Variants in NBEAL1 observed in about 807,000 individuals in gnomAD.
NBEAL1 encodes the protein neurobeachin like 1.
A neutral mutation model predicts 351.3 loss-of-function variants in NBEAL1; 273 were observed. That is an observed-to-expected ratio of 0.78 (90% CI 0.70 to 0.86). The LOEUF (loss-of-function observed/expected upper bound fraction) is 0.86. NBEAL1 is among the 40% of genes least tolerant of loss of function. The probability of loss-of-function intolerance (pLI) is 0.00; values close to 1 mark genes in which losing one functional copy is unlikely to be tolerated. For missense variants in NBEAL1, 2,961 were observed against 3,201.3 expected (o/e 0.92, Z 1.81); for synonymous variants, 1,050 against 1,086.4 (o/e 0.97, Z 0.66).
chr2:203,174,496 T>C (rs928966945), intron 41 of NBEAL1, among the ~76,000 whole-genome samples: 3 of 152,180 alleles, frequency 2.0e-5, no homozygotes, highest in Admixed American at 2.0e-4. Flanking sequence ...TTTGTGTTAA[T>C]TATCTCTGGG....
Position 203,132,173 on chromosome 2 carries a change from T to G in NBEAL1, c.3724+41T>G, listed in dbSNP as rs1008059021. The G allele has an allele frequency of 2.3e-6, 3 of 1,301,194 alleles. No individual in the cohort carries two copies. The East Asian group carries it at 8.0e-5, about 35-fold the overall frequency. The allele number at this position is 1,301,194 out of a possible 1,614,324, so 80.6% of individuals were successfully genotyped here. On this transcript the variant is annotated intron_variant, in intron 26 of 55. Transcript: ENST00000683969. ...ATAAAGCTAACATATTTAAGAAATGTTTTTTCCTGTAAGTTTTTTTCATAC... is the reference window on the plus strand; with the variant it reads ...ATAAAGCTAACATATTTAAGAAATGGTTTTTCCTGTAAGTTTTTTTCATAC...
At position 203,186,025 on chromosome 2, in the gene NBEAL1, C is replaced by G. The variant is rs6733105; in HGVS notation, c.6706-2447C>G. ...ACTTCCTCTCAAGACACCCTTCCCC[C>G]ACAACTCTTATCTCATTAGGGAAGG... On this transcript the variant is annotated intron_variant, in intron 44 of 55. Coordinates refer to ENST00000683969, the MANE Select transcript of NBEAL1 (RefSeq NM_001378026.1). 5.1e-3 allele frequency among the ~76,000 whole-genome samples: 770 copies of G among 152,284 alleles called. 10 individuals are homozygous for G. Among genetic ancestry groups the G allele is most frequent in the African/African-American group, 0.018 (731 of 41,536 alleles).
chr2:203,130,570 T>TATAG, intron 25 of NBEAL1, 94 bp downstream of exon 25: 4 of 776,550 alleles, frequency 5.2e-6, no homozygotes, highest in Non-Finnish European at 7.2e-6. Context: ...ATAAATTATT[T>TATAG]TTATATCTAT....
At chr2:203,114,065 G>T (rs192688755) in intron 17 of NBEAL1, among the ~76,000 whole-genome samples, 38 of 152,058 alleles carry the variant, frequency 2.5e-4, no homozygotes, top group African/African-American at 8.9e-4. Flanking sequence ...CTTGTGATCC[G>T]CCCACCTCAG....
In NBEAL1 at chr2:203,145,179, A is replaced by C; in HGVS notation, c.5304+19A>C. 1.3e-6 allele frequency: 2 copies of C among 1,592,980 alleles called. No individual in the cohort carries two copies. Among genetic ancestry groups the C allele is most frequent in the East Asian group, 2.3e-5 (1 of 44,330 alleles). On this transcript the variant is annotated intron_variant, in intron 33 of 55. Coordinates refer to ENST00000683969, the MANE Select transcript of NBEAL1 (RefSeq NM_001378026.1). ...ATTTCAGGTAAAAAGTAAATGTTTT[A>C]ATATCTAGTTTTTCTTGTTGATTTT...
chr2:203,190,566 A>T, intron 46 of NBEAL1, 177 bp downstream of exon 46: 1 of 675,804 alleles, frequency 1.5e-6, no homozygotes, highest in Non-Finnish European at 2.5e-6. Context: ...AGTACCTATT[A>T]GGGTATGCCA....
chr2:203,099,579 A>G, intron 11 of NBEAL1, 50 bp from the exon 12 acceptor site: 2 of 1,254,934 alleles, frequency 1.6e-6, no homozygotes, highest in Non-Finnish European at 2.2e-6. Context: ...AACTCAATAA[A>G]AATCGTGAGC....
chr2:203,214,550 G>A (rs116704800), intron 55 of NBEAL1, among the ~76,000 whole-genome samples: 8 of 152,226 alleles, frequency 5.3e-5, no homozygotes, highest in Admixed American at 1.3e-4. Flanking sequence ...CGAGACGAGC[G>A]GATCACTTGA....
chr2:203,078,128 C>G (rs748639986), intron 8 of NBEAL1, among the ~76,000 whole-genome samples: 2 of 152,140 alleles, frequency 1.3e-5, no homozygotes, highest in Non-Finnish European at 2.9e-5. Context: ...TAGAGGAAGT[C>G]AACCTCATCA....
chr2:203,216,212 A>G (rs909045506), intron 55 of NBEAL1, among the ~76,000 whole-genome samples: 1 of 152,184 alleles, frequency 6.6e-6, no homozygotes, highest in East Asian at 1.9e-4. Context: ...TGCAAATTTA[A>G]TGGTGAACAA....
rs1329251127 is a variant in NBEAL1 at position 203,224,681 on chromosome 2, A to G, written c.*7327A>G. Among the ~76,000 whole-genome samples, 2 of 152,154 alleles carry G rather than the reference A, an allele frequency of 1.3e-5. No homozygotes were observed. The highest frequency in any genetic ancestry group is 4.8e-5 in the African/African-American group (2 of 41,446). On this transcript the variant is annotated 3_prime_UTR_variant, in exon 56 of 56. Transcript: ENST00000683969. ...ATTGAAGGAATTCAGAAAGTTGTGT[A>G]TTTATCTTAAAATGTTCCTTCTCAC...
At chr2:203,053,415 T>G (rs192474932) in intron 4 of NBEAL1, among the ~76,000 whole-genome samples, 12 of 152,318 alleles carry the variant, frequency 7.9e-5, no homozygotes, top group African/African-American at 2.6e-4. Context: ...TTTTAAAAAT[T>G]GAATTGTTTT....
At chr2:203,107,309 T>A in intron 12 of NBEAL1, 111 bp from the exon 13 acceptor site, 1 of 519,556 alleles carries the variant, frequency 1.9e-6, no homozygotes, top group Non-Finnish European at 3.3e-6. Context: ...TCTTTTTCTT[T>A]ATTTAATATT....
intron 2 of NBEAL1, chr2:203,040,369 G>C: frequency 1.4e-6 from 1 of 711,834 alleles, no homozygotes; most frequent in Non-Finnish European, 2.5e-6. Flanking sequence ...ACATGCCATG[G>C]CCTTTGTTGT....
chr2:203,216,197 G>C (rs1357147404), intron 55 of NBEAL1, among the ~76,000 whole-genome samples: 1 of 152,140 alleles, frequency 6.6e-6, no homozygotes, highest in Non-Finnish European at 1.5e-5. Context: ...AAGGATGGTA[G>C]GTGATGCAAA....
Position 203,144,754 on chromosome 2 carries a change from T to A in NBEAL1, c.5003T>A (p.Leu1668His). The change falls in exon 32 of 56, where the codon CTT becomes CAT. Residue 1668 changes from leucine (L) to histidine (H), a missense_variant. Transcript: ENST00000683969. ...GAAATCTACTCATTTCTGATTCCCC[T>A]TGTTCGTACCCTGGTTTCCAAAATT... Reference protein sequence around the residue: ...QTEIYSFLIPLVRTLVSKIYE... With the variant: ...QTEIYSFLIPHVRTLVSKIYE... 6.2e-7 allele frequency: 1 copy of A among 1,614,166 alleles called. No homozygotes were observed. The highest frequency in any genetic ancestry group is 1.7e-5 in the Admixed American group (1 of 60,018).
At chr2:203,182,517 T>G (rs2064749551) in intron 43 of NBEAL1, 1 of 152,258 alleles carries the variant, frequency 6.6e-6, no homozygotes, top group Non-Finnish European at 1.5e-5. Flanking sequence ...ATAAAGGTTC[T>G]GCTAGCAAAT....
intron 12 of NBEAL1, among the ~76,000 whole-genome samples, chr2:203,102,924 A>G (rs752903033): frequency 4.6e-4 from 70 of 152,126 alleles, no homozygotes; most frequent in Non-Finnish European, 1.9e-4. Flanking sequence ...TTGGCTGTGC[A>G]TCTTTCTGGT....
chr2:203,127,590 C>T (rs908844948), intron 23 of NBEAL1, among the ~76,000 whole-genome samples, 191 bp from the exon 24 acceptor site: 8 of 152,096 alleles, frequency 5.3e-5, no homozygotes, highest in African/African-American at 1.2e-4. Flanking sequence ...GGCGTGGTGG[C>T]GTGTGCCTGT....
Sources: gnomAD v4.1 joint callset for allele counts (sites outside exome capture counted in the v4.1 genomes callset) on GRCh38, gnomAD v4.1.1 for gene constraint, MANE v1.5 for transcripts, NCBI Gene and HGNC (gene_info 2026-07-23, HGNC 2026-07-21) for gene names.